FYN: variants seen among roughly 807,000 people sequenced by gnomAD.
The protein encoded by FYN is FYN proto-oncogene, Src family tyrosine kinase.
In FYN, 10 loss-of-function variants were observed where a neutral mutation model predicts 70.2. The ratio of observed to expected loss-of-function variants is 0.14; its 90% confidence interval spans 0.09 to 0.24. FYN has a LOEUF of 0.24. Among genes scored for constraint, FYN ranks in the 10% least tolerant of loss-of-function variants. FYN has a pLI of 1.00. For synonymous variants in FYN, 236 were observed against 248.6 expected (o/e 0.95, Z 0.48); for missense variants, 319 against 673.1 (o/e 0.47, Z 5.82).
chr6:111,692,855 C>T (rs1460534697), intron 12 of FYN, among the ~76,000 whole-genome samples: 3 of 152,226 alleles, frequency 2.0e-5, no homozygotes, highest in Admixed American at 6.5e-5. Flanking sequence ...CTCACCTTGC[C>T]TCAAATTCAC....
In FYN at chr6:111,699,901, C is replaced by T. The variant is rs1799751266; in HGVS notation, c.862+203G>A. The T allele has an allele frequency of 6.2e-6, 4 of 645,166 alleles. No individual in the cohort carries two copies. The East Asian group carries it at 1.2e-4, about 19-fold the overall frequency. The allele number at this position is 645,166 out of a possible 1,614,324, so 40.0% of individuals were successfully genotyped here. A position where few individuals can be genotyped will look rare whatever the true frequency, so the allele number is the denominator to read the frequency against. ...CAACTTGAGCCATTTGCCAATTTTG[C>T]CCACTTACTATCTTTTTTTTTTTTT... On this transcript the variant is annotated intron_variant, in intron 9 of 13. Transcript: ENST00000354650.
chr6:111,757,770 ACAC>A (rs1802803683), intron 3 of FYN, among the ~76,000 whole-genome samples: 1 of 152,180 alleles, frequency 6.6e-6, no homozygotes, highest in Admixed American at 6.5e-5. Context: ...CTACAACAAA[ACAC>A]AGGATGTCAT....
Position 111,661,454 on chromosome 6 carries a change from T to C in FYN, c.*285A>G, listed in dbSNP as rs1797726846. On this transcript the variant is annotated 3_prime_UTR_variant, in exon 14 of 14. Transcript: ENST00000354650. This position sits in a 1 kb window ranked among gnomAD's most constrained non-coding sequence, Gnocchi z 4.0. ...CTAGGATTGTTGGCACTGGAGTAACTATTTACACTGAACAGAGGTTTGGCC... is the reference window on the plus strand; with the variant it reads ...CTAGGATTGTTGGCACTGGAGTAACCATTTACACTGAACAGAGGTTTGGCC... 2 of 319,454 alleles carry C rather than the reference T, an allele frequency of 6.3e-6. No homozygotes were observed. The highest frequency in any genetic ancestry group is 1.2e-5 in the Non-Finnish European group (2 of 173,388). 19.8% of individuals were successfully genotyped at this position (319,454 alleles called of 1,614,324 possible).
intron 12 of FYN, among the ~76,000 whole-genome samples, chr6:111,688,243 C>G (rs567416768): frequency 2.0e-5 from 3 of 152,136 alleles, no homozygotes; most frequent in Non-Finnish European, 4.4e-5. Context: ...AGGAATACGG[C>G]GTCAGGATGT....
chr6:111,701,645 G>A (rs764003274), intron 8 of FYN, among the ~76,000 whole-genome samples: 1 of 151,880 alleles, frequency 6.6e-6, no homozygotes, highest in Non-Finnish European at 1.5e-5. Flanking sequence ...GTGCCCTTTC[G>A]AACACAGTAT....
rs1479544814 is a variant in FYN at position 111,777,456 on chromosome 6, C to A, written c.-12+3110G>T. Among the ~76,000 whole-genome samples the A allele has an allele frequency of 7.2e-5, 11 of 152,086 alleles. No homozygotes were observed. In the South Asian group the frequency reaches 2.3e-3, roughly 32 times the overall value. On this transcript the variant is annotated intron_variant, in intron 3 of 13. Coordinates refer to ENST00000354650, the MANE Select transcript of FYN (RefSeq NM_002037.5). Reference sequence around the variant, plus strand: ...TCTCAGCTTGGTATTACTGAGATTTCGGGCCCGATTATTCTGCATGTGTGC... The same window carrying A: ...TCTCAGCTTGGTATTACTGAGATTTAGGGCCCGATTATTCTGCATGTGTGC...
intron 3 of FYN, among the ~76,000 whole-genome samples, chr6:111,763,289 C>A (rs1024837490): frequency 1.3e-5 from 2 of 152,188 alleles, no homozygotes; most frequent in Admixed American, 6.5e-5. Flanking sequence ...CCCTGGGTAC[C>A]TGTTCCTCAG....
chr6:111,849,928 G>A (rs1410392133), intron 1 of FYN, among the ~76,000 whole-genome samples: 1 of 152,108 alleles, frequency 6.6e-6, no homozygotes, highest in Non-Finnish European at 1.5e-5. Flanking sequence ...TTGTTTCCCC[G>A]CTAGACTGTC....
At chr6:111,708,172 CCCT>C (rs529088024) in intron 5 of FYN, 152 bp from the exon 6 acceptor site, 41 of 614,282 alleles carry the variant, frequency 6.7e-5, no homozygotes, top group Non-Finnish European at 9.9e-5. Flanking sequence ...AACATAGTCC[CCCT>C]GTGAAGGTCA....
chr6:111,666,127 G>A (rs1212255496), intron 13 of FYN, among the ~76,000 whole-genome samples: 2 of 150,608 alleles, frequency 1.3e-5, no homozygotes, highest in African/African-American at 4.9e-5. Flanking sequence ...TCAGCCTCCT[G>A]AGTAGCTGGG....
chr6:111,676,752 A>T (rs1798544204), intron 12 of FYN, among the ~76,000 whole-genome samples: 1 of 152,246 alleles, frequency 6.6e-6, no homozygotes, highest in Admixed American at 6.5e-5. Flanking sequence ...TGCTGTGCAG[A>T]CAAATCCTGT....
rs117050043 is a variant in FYN at position 111,748,136 on chromosome 6, G to A, written c.-11-28074C>T. ...AATTAGGTCAAAGCGAGACATACCC[G>A]TGTTGTGAGCTACAGCTGAAGTTTA... On this transcript the variant is annotated intron_variant, in intron 3 of 13. Coordinates refer to ENST00000354650, the MANE Select transcript of FYN (RefSeq NM_002037.5). Among the ~76,000 whole-genome samples the A allele has an allele frequency of 2.8e-3, 424 of 152,310 alleles. 3 individuals are homozygous for A. The highest frequency in any genetic ancestry group is 0.02 in the East Asian group (103 of 5,186).
chr6:111,711,500 C>G (rs1800376652), intron 5 of FYN, among the ~76,000 whole-genome samples: 1 of 152,254 alleles, frequency 6.6e-6, no homozygotes, highest in Non-Finnish European at 1.5e-5. Flanking sequence ...AATGAAGCAC[C>G]TTTGCCCCTT....
intron 1 of FYN, among the ~76,000 whole-genome samples, chr6:111,871,688 G>T (rs1046154445): frequency 2.0e-5 from 3 of 152,156 alleles, no homozygotes; most frequent in Non-Finnish European, 4.4e-5. Context: ...AAATTCTTGT[G>T]ACCCCCACAC....
intron 13 of FYN, among the ~76,000 whole-genome samples, chr6:111,674,062 C>T (rs929850185): frequency 3.9e-5 from 6 of 152,282 alleles, no homozygotes; most frequent in African/African-American, 1.4e-4. Flanking sequence ...CTGGCACCTT[C>T]CTGCCAGGCT....
At chr6:111,721,586 G>T (rs1415535514) in intron 3 of FYN, among the ~76,000 whole-genome samples, 3 of 152,002 alleles carry the variant, frequency 2.0e-5, no homozygotes, top group African/African-American at 7.3e-5. Context: ...TGTATTTTTA[G>T]TAGAGATGGG....
At chr6:111,705,220 T>C (rs1015882695) in intron 6 of FYN, among the ~76,000 whole-genome samples, 7 of 152,144 alleles carry the variant, frequency 4.6e-5, no homozygotes, top group Admixed American at 2.0e-4. Context: ...AATAAAGGAA[T>C]AGTATTTTCA....
At chr6:111,757,462 G>C (rs1802790727) in intron 3 of FYN, among the ~76,000 whole-genome samples, 1 of 152,162 alleles carries the variant, frequency 6.6e-6, no homozygotes, top group Non-Finnish European at 1.5e-5. Flanking sequence ...GGGTTACTTT[G>C]AACTGTGGTG....
intron 3 of FYN, among the ~76,000 whole-genome samples, chr6:111,773,525 GA>G (rs1411454038): frequency 2.1e-5 from 1 of 47,520 alleles, no homozygotes; most frequent in African/African-American, 8.9e-5. Context: ...GGGTGAGAGA[GA>G]GGGGGAGAGG....
Sources: gnomAD v4.1 joint callset for allele counts (sites outside exome capture counted in the v4.1 genomes callset) on GRCh38, gnomAD v4.1.1 for gene constraint, Gnocchi (gnomAD v3.1) non-coding constraint, MANE v1.5 for transcripts, NCBI Gene and HGNC (gene_info 2026-07-23, HGNC 2026-07-21) for gene names.